Variants in SNCAIP observed in about 807,000 individuals in gnomAD.
The protein encoded by SNCAIP is synphilin-1.
SNCAIP carries 43 observed loss-of-function variants against 86.7 expected under a neutral mutation model. The ratio of observed to expected loss-of-function variants is 0.50; its 90% CI spans 0.39 to 0.64. The LOEUF (loss-of-function observed/expected upper bound fraction) is 0.64. SNCAIP is among the 30% of genes least tolerant of loss of function. The pLI is 0.00. For missense variants in SNCAIP, 981 were observed against 1,103.1 expected, an observed-to-expected ratio of 0.89 and a Z score of 1.57; for synonymous variants, 417 against 427.2, an observed-to-expected ratio of 0.98 and a Z score of 0.29.
chr5:122,333,663 T>A (rs1428969176), intron 1 of SNCAIP, among the ~76,000 whole-genome samples: 1 of 152,240 alleles, frequency 6.6e-6, no homozygotes, highest in East Asian at 1.9e-4. Context: ...ATATTCTGAT[T>A]GTTCTACCAT....
At chr5:122,419,107 T>C (rs1256114152) in intron 3 of SNCAIP, among the ~76,000 whole-genome samples, 2 of 152,070 alleles carry the variant, frequency 1.3e-5, no homozygotes, top group Non-Finnish European at 2.9e-5. Context: ...GATAGATTGC[T>C]TAGGAGACTG....
chr5:122,314,595 T>A (rs1310332793), intron 1 of SNCAIP, among the ~76,000 whole-genome samples: 1 of 152,226 alleles, frequency 6.6e-6, no homozygotes, highest in Non-Finnish European at 1.5e-5. Context: ...CTTGTGCCCA[T>A]TTGATTTATA....
intron 2 of SNCAIP, among the ~76,000 whole-genome samples, chr5:122,398,753 G>A (rs1030228479): frequency 3.5e-4 from 53 of 152,114 alleles, no homozygotes; most frequent in African/African-American, 1.2e-3. Flanking sequence ...TTTGAGTAAT[G>A]TCTGCTCATT....
intron 1 of SNCAIP, among the ~76,000 whole-genome samples, chr5:122,352,813 C>T (rs192034344): frequency 1.1e-4 from 17 of 152,242 alleles, no homozygotes; most frequent in Admixed American, 1.0e-3. Flanking sequence ...AATTCAAGAC[C>T]AGCCTAGGCA....
intron 3 of SNCAIP, among the ~76,000 whole-genome samples, chr5:122,416,197 T>C (rs1775278951): frequency 6.6e-6 from 1 of 152,200 alleles, no homozygotes; most frequent in Non-Finnish European, 1.5e-5. Flanking sequence ...TGAGCAGGTC[T>C]TGACAATTCT....
intron 3 of SNCAIP, among the ~76,000 whole-genome samples, chr5:122,407,527 C>T (rs568152621): frequency 6.6e-6 from 1 of 152,124 alleles, no homozygotes; most frequent in East Asian, 1.9e-4. Context: ...TGGAAAGAAG[C>T]CTCAGCATGT....
At chr5:122,337,249 G>C (rs757038525) in intron 1 of SNCAIP, among the ~76,000 whole-genome samples, 7 of 152,158 alleles carry the variant, frequency 4.6e-5, no homozygotes, top group Non-Finnish European at 8.8e-5. Flanking sequence ...TTATGATGAG[G>C]AGATTGTGGA....
rs115075910 is a variant in SNCAIP at position 122,363,331 on chromosome 5, G to C, written c.-46-27758G>C. On this transcript the variant is annotated intron_variant, in intron 1 of 10. Transcript: ENST00000261368. ...TTTCTCACTGACTTGGTTGCATTCA[G>C]TGCCAGTAATTCCAGTGGTCACATA... Among the ~76,000 whole-genome samples, 788 of 152,262 alleles carry C rather than the reference G, an allele frequency of 5.2e-3. 10 individuals carry two copies. The highest frequency in any genetic ancestry group is 0.018 in the African/African-American group (745 of 41,546).
rs772479027 is a variant in SNCAIP at position 122,423,530 on chromosome 5, G to T, written c.793G>T (p.Asp265Tyr). ...SKDFLNKTFS[D>Y]PHGRKVEKTT... ...AGACTTCCTAAACAAGACATTTAGT[G>T]ATCCTCATGGTCGAAAAGTTGAGAA... Residue 265 changes from aspartate (D) to tyrosine (Y), a missense_variant, in exon 4 of 11, where the codon GAT becomes TAT. Physicochemically the swap from Asp to Tyr is radical, Grantham distance 160. Coordinates refer to ENST00000261368, the MANE Select transcript of SNCAIP (RefSeq NM_005460.4). 2.5e-5 allele frequency: 41 copies of T among 1,614,040 alleles called. No homozygotes were observed. Among genetic ancestry groups the T allele is most frequent in the Non-Finnish European group, 3.3e-5 (39 of 1,180,026 alleles).
At chr5:122,392,670 C>T (rs927274023) in intron 2 of SNCAIP, among the ~76,000 whole-genome samples, 53 of 152,130 alleles carry the variant, frequency 3.5e-4, no homozygotes, top group African/African-American at 1.2e-3. Flanking sequence ...TTGAAAGCAG[C>T]CAGCCTGGGT....
chr5:122,405,229 A>G (rs1460322019), intron 3 of SNCAIP, among the ~76,000 whole-genome samples: 1 of 152,198 alleles, frequency 6.6e-6, no homozygotes, highest in African/African-American at 2.4e-5. Flanking sequence ...TGAATCTGTG[A>G]CTAGTTATCT....
intron 5 of SNCAIP, among the ~76,000 whole-genome samples, chr5:122,430,539 C>A (rs1005706833): frequency 2.0e-5 from 3 of 152,102 alleles, no homozygotes; most frequent in African/African-American, 7.2e-5. Flanking sequence ...GGTCTTGCAA[C>A]TAAGTGGCAG....
At chr5:122,441,876 A>G (rs1781014760) in intron 7 of SNCAIP, among the ~76,000 whole-genome samples, 1 of 152,180 alleles carries the variant, frequency 6.6e-6, no homozygotes, top group Non-Finnish European at 1.5e-5. Context: ...TTATTTACAG[A>G]CATAAATCAT....
chr5:122,462,631 C>T (rs1045734443), intron 10 of SNCAIP, among the ~76,000 whole-genome samples: 1 of 152,146 alleles, frequency 6.6e-6, no homozygotes, highest in Non-Finnish European at 1.5e-5. Context: ...TGAAAATAGG[C>T]TTCATGGTCT....
chr5:122,363,957 A>G (rs1234169808), intron 1 of SNCAIP, among the ~76,000 whole-genome samples: 1 of 151,850 alleles, frequency 6.6e-6, no homozygotes, highest in Admixed American at 6.6e-5. Flanking sequence ...TAAGTAGCTG[A>G]GACTGCAGGT....
At chr5:122,354,680 T>C (rs543785951) in intron 1 of SNCAIP, among the ~76,000 whole-genome samples, 3 of 152,354 alleles carry the variant, frequency 2.0e-5, no homozygotes, top group Non-Finnish European at 2.9e-5. Flanking sequence ...ATATTTTCAA[T>C]GATCAGCCTA....
At position 122,339,419 on chromosome 5, in the gene SNCAIP, TTTAAG is replaced by T. The variant is rs1266741742; in HGVS notation, c.-47+27138_-47+27142del. 1.6e-4 allele frequency among the ~76,000 whole-genome samples: 24 copies of T among 152,210 alleles called. 1 individual carries two copies. The highest frequency in any genetic ancestry group is 4.6e-4 in the Admixed American group (7 of 15,290). On this transcript the variant is annotated intron_variant, in intron 1 of 10. Coordinates refer to ENST00000261368, the MANE Select transcript of SNCAIP (RefSeq NM_005460.4). ...AGAATCAAAACCATCTTTAGATACA[TTTAAG>T]TTTTCTTCTACAAGTGTCAAAAATA... is the stretch of plus-strand genomic sequence containing the variant.
chr5:122,410,434 T>C (rs1274803140), intron 3 of SNCAIP, among the ~76,000 whole-genome samples: 1 of 152,180 alleles, frequency 6.6e-6, no homozygotes. Context: ...TAACACTTCA[T>C]TTATGTTTCT....
chr5:122,314,008 T>C (rs1405712037), intron 1 of SNCAIP, among the ~76,000 whole-genome samples: 1 of 152,208 alleles, frequency 6.6e-6, no homozygotes, highest in East Asian at 1.9e-4. Flanking sequence ...TTACAGATAG[T>C]AGATTTGAAA....
Sources: gnomAD v4.1 joint callset for allele counts (sites outside exome capture counted in the v4.1 genomes callset) on GRCh38, gnomAD v4.1.1 for gene constraint, MANE v1.5 for transcripts, NCBI Gene and HGNC (gene_info 2026-07-23, HGNC 2026-07-21) for gene names.